The following STRAP variants were observed in gnomAD, a reference collection of about 807,000 sequenced individuals.
STRAP encodes serine-threonine kinase receptor-associated protein.
STRAP carries 16 observed loss-of-function variants against 47.0 expected under a neutral mutation model. The ratio of observed to expected loss-of-function variants is 0.34; its 90% confidence interval spans 0.23 to 0.52. The LOEUF (loss-of-function observed/expected upper bound fraction) is 0.52, where lower values mean the gene tolerates loss of function less well. STRAP is among the 20% of genes least tolerant of loss of function. The pLI is 0.96. For synonymous variants in STRAP, 130 were observed against 142.7 expected (o/e 0.91, Z 0.63); for missense variants, 293 against 420.0 (o/e 0.70, Z 2.64).
intron 2 of STRAP, among the ~76,000 whole-genome samples, chr12:15,885,544 C>T (rs1947963808): frequency 6.7e-6 from 1 of 148,478 alleles, no homozygotes; most frequent in Admixed American, 6.7e-5. Flanking sequence ...AAATCTGCTG[C>T]CTCCTTCATT....
chr12:15,893,188 T>TA (rs1491201880), intron 4 of STRAP, among the ~76,000 whole-genome samples: 1 of 152,032 alleles, frequency 6.6e-6, no homozygotes, highest in African/African-American at 2.4e-5. Flanking sequence ...CCTTTTTTTT[T>TA]ATGTTTTCCT....
At chr12:15,901,562 C>G (rs1352086566) in intron 9 of STRAP, among the ~76,000 whole-genome samples, 1 of 152,144 alleles carries the variant, frequency 6.6e-6, no homozygotes, top group Non-Finnish European at 1.5e-5. Context: ...CTGAGGGCCT[C>G]ATTTGCTGTA....
chr12:15,892,689 G>A (rs780194950), intron 4 of STRAP, among the ~76,000 whole-genome samples: 1 of 152,156 alleles, frequency 6.6e-6, no homozygotes, highest in Non-Finnish European at 1.5e-5. Flanking sequence ...GAAACAAAGC[G>A]CATTTGCAGA....
intron 6 of STRAP, among the ~76,000 whole-genome samples, chr12:15,897,012 A>G (rs190785563): frequency 4.6e-5 from 7 of 152,340 alleles, no homozygotes; most frequent in South Asian, 4.1e-4. Flanking sequence ...GGAGCCATCA[A>G]TTGGTTTATT....
rs150795962 is a variant in STRAP at position 15,893,413 on chromosome 12, A to C, written c.404-634A>C. On this transcript the variant is annotated intron_variant, in intron 4 of 9. Transcript: ENST00000419869. The stretch of plus-strand genomic sequence containing the variant: ...AATTATTTTATTAATAATATAATAA[A>C]TACTTTTTATTATATATAAAATACT... Among the ~76,000 whole-genome samples the C allele has an allele frequency of 3.4e-3, 502 of 147,514 alleles. 5 individuals are homozygous for C. Among genetic ancestry groups the C allele is most frequent in the African/African-American group, 0.012 (480 of 40,866 alleles).
intron 2 of STRAP, among the ~76,000 whole-genome samples, chr12:15,885,506 T>TTTTTA (rs1555144808): frequency 6.6e-6 from 1 of 150,674 alleles, no homozygotes; most frequent in African/African-American, 2.4e-5. Context: ...TTTTTTTTTT[T>TTTTTA]AACAACCTCA....
chr12:15,901,811 A>G (rs1948105124), intron 9 of STRAP, among the ~76,000 whole-genome samples: 1 of 145,120 alleles, frequency 6.9e-6, no homozygotes. Flanking sequence ...CAGCGAGCCG[A>G]GATTGCGCCA....
chr12:15,889,790 T>G lies in STRAP; in HGVS notation c.249-138T>G, dbSNP rs952793856. 43 of 617,666 alleles carry G rather than the reference T, an allele frequency of 7.0e-5. No homozygotes were observed. In the African/African-American group the frequency reaches 7.5e-4, roughly 11 times the overall value. The allele number at this position is 617,666 out of a possible 1,614,324, so 38.3% of individuals were successfully genotyped here. Reference sequence around the variant, plus strand: ...TGAAGTCTGTGAGGGATATTAGAGATAAAGGAGATTTATAATACATTTATG... The same window carrying G: ...TGAAGTCTGTGAGGGATATTAGAGAGAAAGGAGATTTATAATACATTTATG... On this transcript the variant is annotated intron_variant, in intron 2 of 9. Coordinates refer to ENST00000419869, the MANE Select transcript of STRAP (RefSeq NM_007178.4).
At chr12:15,884,382 C>G (rs59525962) in intron 2 of STRAP, among the ~76,000 whole-genome samples, 3,318 of 152,194 alleles carry the variant, frequency 0.022, 118 homozygotes, top group African/African-American at 0.076. Context: ...CACTTCTCTA[C>G]TAATGATCTT....
chr12:15,888,759 T>C (rs1453492271), intron 2 of STRAP, among the ~76,000 whole-genome samples: 6 of 152,208 alleles, frequency 3.9e-5, no homozygotes, highest in Admixed American at 3.9e-4. Flanking sequence ...ATTATATTTC[T>C]TAAATGTGAT....
chr12:15,883,612 G>C lies in STRAP; in HGVS notation c.184G>C (p.Val62Leu). The change falls in exon 2 of 10, where the codon GTT becomes CTT. Residue 62 changes from valine (V) to leucine (L), a missense_variant. By Grantham distance (32) the Val-to-Leu change is conservative (BLOSUM62 1). Transcript: ENST00000419869. ...AACATTTTTGGGTCATAAAGGTGCT[G>C]TTTGGGGTGCAACACTGAATAAGGA... ...IGTFLGHKGA[V>L]WGATLNKDAT... 6.2e-7 allele frequency: 1 copy of C among 1,614,226 alleles called. No individual in the cohort carries two copies. Among genetic ancestry groups the C allele is most frequent in the Non-Finnish European group, 8.5e-7 (1 of 1,180,038 alleles).
rs1044347545 is a variant in STRAP, at chr12:15,890,085, G to A, written c.330+76G>A. ...GTGATAATGCTTTTATACTTGATTGGTGTGTATATTTGATTGATATGTTTT... is the reference window on the plus strand; with the variant it reads ...GTGATAATGCTTTTATACTTGATTGATGTGTATATTTGATTGATATGTTTT... On this transcript the variant is annotated intron_variant, in intron 3 of 9. Coordinates refer to ENST00000419869, the MANE Select transcript of STRAP (RefSeq NM_007178.4). The surrounding 1 kb of genome is among the most constrained non-coding windows in gnomAD (Gnocchi z 4.5). The A allele has an allele frequency of 1.6e-6, 2 of 1,254,334 alleles. No homozygotes were observed. The highest frequency in any genetic ancestry group is 2.5e-5 in the South Asian group (2 of 81,616). 77.7% of individuals were successfully genotyped at this position (1,254,334 alleles called of 1,614,324 possible).
chr12:15,898,086 A>T, intron 7 of STRAP, 68 bp downstream of exon 7: 1 of 1,321,484 alleles, frequency 7.6e-7, no homozygotes, highest in African/African-American at 1.6e-5. Context: ...TTAACACCTC[A>T]TTTATATATA....
intron 7 of STRAP, 85 bp downstream of exon 7, chr12:15,898,103 T>TGAG: frequency 4.1e-6 from 5 of 1,212,532 alleles, no homozygotes; most frequent in Non-Finnish European, 5.5e-6. Context: ...TATATATATA[T>TGAG]GTTACATATA....
intron 7 of STRAP, among the ~76,000 whole-genome samples, chr12:15,898,997 A>G (rs1238135938): frequency 6.6e-6 from 1 of 152,236 alleles, no homozygotes; most frequent in Non-Finnish European, 1.5e-5. Context: ...AATACAAGTG[A>G]TTTATAAATA....
At chr12:15,883,404 T>G (rs2136106372) in intron 1 of STRAP, 137 bp from the exon 2 acceptor site, 1 of 958,730 alleles carries the variant, frequency 1.0e-6, no homozygotes, top group East Asian at 2.6e-5. Flanking sequence ...CTTAGTGCCT[T>G]CAGTGGGTGG....
chr12:15,883,561 C>T lies in STRAP; in HGVS notation c.133C>T (p.Gln45Ter). ...TCTAGATGGTAAACCTATGCTACGCCAGGGAGATACAGGAGACTGGATTGG... is the reference window on the plus strand; with the variant it reads ...TCTAGATGGTAAACCTATGCTACGCTAGGGAGATACAGGAGACTGGATTGG... ...ACKDGKPMLR[Q>*]GDTGDWIGTF... The change falls in exon 2 of 10, where the codon CAG (glutamine) becomes TAG (stop). Residue 45 changes from glutamine (Q) to a stop codon, truncating the protein, a stop_gained. Coordinates refer to ENST00000419869, the MANE Select transcript of STRAP (RefSeq NM_007178.4). LOFTEE classifies it high-confidence loss of function. 1 of 1,613,670 alleles carries T rather than the reference C, an allele frequency of 6.2e-7. No homozygotes were observed. The highest frequency in any genetic ancestry group is 8.5e-7 in the Non-Finnish European group (1 of 1,180,002).
At chr12:15,884,611 A>G (rs1194153310) in intron 2 of STRAP, among the ~76,000 whole-genome samples, 1 of 151,806 alleles carries the variant, frequency 6.6e-6, no homozygotes, top group Non-Finnish European at 1.5e-5. Flanking sequence ...GTATCTAGCT[A>G]TGTTGTCCAG....
At chr12:15,886,152 C>T (rs909127462) in intron 2 of STRAP, among the ~76,000 whole-genome samples, 5 of 151,440 alleles carry the variant, frequency 3.3e-5, no homozygotes, top group East Asian at 3.9e-4. Context: ...GGCTTGCATT[C>T]GTGTGCTAAC....
Sources: allele counts gnomAD v4.1 joint callset (sites outside exome capture counted in the v4.1 genomes callset), GRCh38; gene constraint gnomAD v4.1.1; non-coding constraint Gnocchi (gnomAD v3.1); transcripts MANE v1.5; gene names NCBI Gene and HGNC (gene_info 2026-07-23, HGNC 2026-07-21).